Variants in BNC2 observed in about 807,000 individuals in gnomAD.
The protein encoded by BNC2 is zinc finger protein basonuclin-2.
BNC2 carries 20 observed loss-of-function variants against 76.3 expected under a neutral mutation model. That is an observed-to-expected ratio of 0.26 (90% CI 0.18 to 0.38). The LOEUF (loss-of-function observed/expected upper bound fraction) is 0.38, where lower values mean the gene tolerates loss of function less well. Ranked by LOEUF, BNC2 falls within the 10% of genes least tolerant of loss-of-function variation. BNC2 has a pLI of 1.00. For synonymous variants in BNC2, 582 were observed against 514.8 expected, an observed-to-expected ratio of 1.13 and a Z score of -1.77; for missense variants, 1,382 against 1,399.8, an observed-to-expected ratio of 0.99 and a Z score of 0.20.
intron 5 of BNC2, among the ~76,000 whole-genome samples, chr9:16,517,987 AG>A (rs1198118275): frequency 3.3e-5 from 5 of 152,192 alleles, no homozygotes; most frequent in Non-Finnish European, 7.3e-5. Context: ...CTGGTCTCGA[AG>A]GAACACAGAC....
intron 3 of BNC2, among the ~76,000 whole-genome samples, chr9:16,616,278 G>A (rs562234705): frequency 6.6e-6 from 1 of 152,236 alleles, no homozygotes; most frequent in African/African-American, 2.4e-5. Flanking sequence ...TATAGTCCCA[G>A]CTCCTTGGGA....
At chr9:16,629,532 T>C (rs1283125172) in intron 3 of BNC2, among the ~76,000 whole-genome samples, 4 of 152,116 alleles carry the variant, frequency 2.6e-5, no homozygotes, top group African/African-American at 7.2e-5. Context: ...AGGCTTACAA[T>C]TGGATAAAGG....
intron 3 of BNC2, among the ~76,000 whole-genome samples, chr9:16,698,748 G>C (rs184892672): frequency 1.3e-5 from 2 of 151,660 alleles, no homozygotes; most frequent in African/African-American, 2.4e-5. Context: ...AAGATACTTA[G>C]GATAACAATG....
At chr9:16,514,598 T>G (rs1464511160) in intron 5 of BNC2, among the ~76,000 whole-genome samples, 1 of 152,232 alleles carries the variant, frequency 6.6e-6, no homozygotes, top group African/African-American at 2.4e-5. Flanking sequence ...CTTTCCTCTC[T>G]TATTTATCTT....
intron 1 of BNC2, among the ~76,000 whole-genome samples, chr9:16,763,515 A>G (rs949741738): frequency 6.6e-6 from 1 of 152,074 alleles, no homozygotes; most frequent in Non-Finnish European, 1.5e-5. Context: ...GGCTGCAGTG[A>G]GCTGTGTTCA....
intron 1 of BNC2, among the ~76,000 whole-genome samples, chr9:16,835,986 A>G (rs1226574943): frequency 6.6e-6 from 1 of 152,168 alleles, no homozygotes; most frequent in Non-Finnish European, 1.5e-5. Context: ...TGGCACTAGA[A>G]ATCTATTTCA....
chr9:16,854,905 G>T (rs1032075536), intron 1 of BNC2, among the ~76,000 whole-genome samples: 2 of 151,976 alleles, frequency 1.3e-5, no homozygotes, highest in Non-Finnish European at 2.9e-5. Flanking sequence ...AACATCACAG[G>T]TCACTGGAAA....
chr9:16,828,795 G>A (rs567634168), intron 1 of BNC2, among the ~76,000 whole-genome samples: 131 of 152,304 alleles, frequency 8.6e-4, no homozygotes, highest in African/African-American at 3.0e-3. Context: ...ACTGGAGGGA[G>A]GAAGATCGCC....
intron 1 of BNC2, among the ~76,000 whole-genome samples, chr9:16,844,493 CTTT>C (rs67281132): frequency 1.2e-3 from 122 of 103,352 alleles, no homozygotes; most frequent in Middle Eastern, 5.2e-3. Context: ...TTTTTCTTTT[CTTT>C]TTTTTTTTTT....
intron 5 of BNC2, among the ~76,000 whole-genome samples, chr9:16,534,451 G>A (rs1481635203): frequency 2.6e-5 from 4 of 151,784 alleles, no homozygotes; most frequent in African/African-American, 4.8e-5. Context: ...CCCTTAATCC[G>A]TCTCTCTAAA....
At chr9:16,516,851 G>C (rs945313429) in intron 5 of BNC2, among the ~76,000 whole-genome samples, 1 of 152,148 alleles carries the variant, frequency 6.6e-6, no homozygotes, top group Non-Finnish European at 1.5e-5. Context: ...AAATAATCAG[G>C]TGATTCTAAC....
At chr9:16,641,592 A>G (rs1212149454) in intron 3 of BNC2, among the ~76,000 whole-genome samples, 1 of 152,210 alleles carries the variant, frequency 6.6e-6, no homozygotes, top group African/African-American at 2.4e-5. Flanking sequence ...TTCTAGATTA[A>G]TAAAGTATTC....
At position 16,663,397 on chromosome 9, in the gene BNC2, G is replaced by C. The variant is rs541406788; in HGVS notation, c.330+64400C>G. Among the ~76,000 whole-genome samples, 22 of 151,984 alleles carry C rather than the reference G, an allele frequency of 1.4e-4. No homozygotes were observed. The South Asian group carries it at 2.1e-3, about 14-fold the overall frequency. On this transcript the variant is annotated intron_variant, in intron 3 of 6. Coordinates refer to ENST00000380672, the MANE Select transcript of BNC2 (RefSeq NM_017637.6). ...CTGGCCTCAGCCTCCCAAAGTGCTG[G>C]GATTACAGGCGTGAGCTACCATGCC...
intron 1 of BNC2, among the ~76,000 whole-genome samples, chr9:16,754,708 CCACCATGCCCAG>C (rs1825329086): frequency 6.6e-6 from 1 of 152,150 alleles, no homozygotes; most frequent in South Asian, 2.1e-4. Context: ...TAGCCACCCA[CCACCATGCCCAG>C]CTAATATTTG....
At chr9:16,549,280 C>T (rs1818585366) in intron 5 of BNC2, among the ~76,000 whole-genome samples, 2 of 152,208 alleles carry the variant, frequency 1.3e-5, no homozygotes, top group Non-Finnish European at 1.5e-5. Context: ...ACTTACCGTA[C>T]ATCTTCATTT....
chr9:16,864,471 G>A (rs1819490752), intron 1 of BNC2, among the ~76,000 whole-genome samples: 1 of 152,174 alleles, frequency 6.6e-6, no homozygotes, highest in South Asian at 2.1e-4. Context: ...AAGTTTGGAT[G>A]AAAACAATGT....
At chr9:16,482,786 C>T (rs116907689) in intron 5 of BNC2, among the ~76,000 whole-genome samples, 358 of 152,274 alleles carry the variant, frequency 2.4e-3, no homozygotes, top group Non-Finnish European at 2.9e-3. Context: ...ACTTCAGACT[C>T]CAGGACTCTC....
At chr9:16,715,565 G>A (rs1031846853) in intron 3 of BNC2, among the ~76,000 whole-genome samples, 1 of 152,192 alleles carries the variant, frequency 6.6e-6, no homozygotes, top group Non-Finnish European at 1.5e-5. Context: ...ATTTGAATAG[G>A]TTGCCAAGAT....
At chr9:16,480,056 T>TGTAACAACATTCAACACAG (rs1563802888) in intron 5 of BNC2, among the ~76,000 whole-genome samples, 1 of 152,228 alleles carries the variant, frequency 6.6e-6, no homozygotes, top group African/African-American at 2.4e-5. Flanking sequence ...ATTCAACACA[T>TGTAACAACATTCAACACAG]GTAACAACAT....
Sources: gnomAD v4.1 joint callset for allele counts (sites outside exome capture counted in the v4.1 genomes callset) on GRCh38, gnomAD v4.1.1 for gene constraint, MANE v1.5 for transcripts, NCBI Gene and HGNC (gene_info 2026-07-23, HGNC 2026-07-21) for gene names.